POGZ: variants seen among roughly 807,000 people sequenced by gnomAD.
POGZ encodes the protein pogo transposable element derived with ZNF domain.
Under a neutral mutation model 134.6 loss-of-function variants are expected in POGZ, and 17 were observed. That is an observed-to-expected ratio of 0.13 (90% confidence interval 0.09 to 0.19). POGZ has a LOEUF of 0.19. Among genes scored for constraint, POGZ ranks in the 10% least tolerant of loss-of-function variants. The probability of loss-of-function intolerance (pLI) is 1.00; values close to 1 mark genes in which losing one functional copy is unlikely to be tolerated. For missense variants in POGZ, 1,306 were observed against 1,769.7 expected, an observed-to-expected ratio of 0.74 and a Z score of 4.70; for synonymous variants, 693 against 657.1, an observed-to-expected ratio of 1.05 and a Z score of -0.84.
intron 3 of POGZ, among the ~76,000 whole-genome samples, chr1:151,437,801 G>A (rs866210826): frequency 3.9e-5 from 6 of 152,170 alleles, no homozygotes; most frequent in Admixed American, 1.3e-4. Context: ...GTAGTAAGCA[G>A]ATAATATATC....
At chr1:151,419,166 C>A (rs1656379122) in intron 10 of POGZ, among the ~76,000 whole-genome samples, 1 of 151,694 alleles carries the variant, frequency 6.6e-6, no homozygotes, top group South Asian at 2.1e-4. Context: ...CCAGCCTGAA[C>A]GACACGGCGA....
At chr1:151,414,165 G>C (rs192034299) in intron 10 of POGZ, among the ~76,000 whole-genome samples, 1 of 152,352 alleles carries the variant, frequency 6.6e-6, no homozygotes, top group African/African-American at 2.4e-5. Flanking sequence ...GCCAGCCAGA[G>C]AGAGGACCAA....
chr1:151,430,580 T>C (rs931524050), intron 4 of POGZ, 86 bp downstream of exon 4: 7 of 1,010,594 alleles, frequency 6.9e-6, no homozygotes, highest in Non-Finnish European at 1.0e-5. Context: ...CCACTTCTAA[T>C]GACGCCAAAG....
rs764477625 is a variant in POGZ at position 151,429,715 on chromosome 1, T to C, written c.460-4A>G. On this transcript the variant is annotated splice_polypyrimidine_tract_variant and splice_region_variant and intron_variant, in intron 4 of 18. Coordinates refer to ENST00000271715, the MANE Select transcript of POGZ (RefSeq NM_015100.4). Reference sequence around the variant, plus strand: ...GGACATTCCTTACAGGAAATCCCTGTATTAAAAAGCAAAATGATCTTTAAC... The same window carrying C: ...GGACATTCCTTACAGGAAATCCCTGCATTAAAAAGCAAAATGATCTTTAAC... 15 of 1,573,192 alleles carry C rather than the reference T, an allele frequency of 9.5e-6. No individual in the cohort carries two copies. Among genetic ancestry groups the C allele is most frequent in the Non-Finnish European group, 1.2e-5 (14 of 1,143,590 alleles).
intron 1 of POGZ, among the ~76,000 whole-genome samples, chr1:151,445,097 T>C (rs1254210426): frequency 6.6e-6 from 1 of 152,104 alleles, no homozygotes; most frequent in Non-Finnish European, 1.5e-5. Context: ...AAAGGGTAGA[T>C]CTGAAAAGAT....
At chr1:151,408,005 C>T (rs1653964757) in intron 15 of POGZ, 95 bp downstream of exon 15, 2 of 968,670 alleles carry the variant, frequency 2.1e-6, no homozygotes, top group Non-Finnish European at 1.4e-6. Context: ...GAGTGAGACC[C>T]TGTCTTCAAA....
intron 3 of POGZ, among the ~76,000 whole-genome samples, chr1:151,437,243 C>A (rs1659746056): frequency 6.6e-6 from 1 of 151,394 alleles, no homozygotes; most frequent in Non-Finnish European, 1.5e-5. Context: ...AAACACCTTC[C>A]AGTTTGTGGT....
intron 3 of POGZ, 42 bp from the exon 4 acceptor site, chr1:151,430,883 CA>C: frequency 7.5e-7 from 1 of 1,329,366 alleles, no homozygotes; most frequent in Non-Finnish European, 1.0e-6. Context: ...ATGTTAGAAA[CA>C]ATGTTAAACC....
chr1:151,445,652 T>A (rs1178522379), intron 1 of POGZ, among the ~76,000 whole-genome samples: 2 of 152,026 alleles, frequency 1.3e-5, no homozygotes, highest in African/African-American at 4.8e-5. Context: ...ATAAGGTTTG[T>A]CAACTCAGAA....
Position 151,406,289 on chromosome 1 carries a change from T to C in POGZ, c.2746A>G (p.Thr916Ala). The C allele has an allele frequency of 6.2e-7, 1 of 1,611,514 alleles. No homozygotes were observed. Among genetic ancestry groups the C allele is most frequent in the Non-Finnish European group, 8.5e-7 (1 of 1,178,498 alleles). ...GGGTGAGTGGGGGTTGGTGGTGGGG[T>C]TGCAGTTGAGGCTGGTGATGGGAGT... ...PALPSPASTA[T>A]PPPTPTHPQA... The change falls in exon 19 of 19, where the codon ACC becomes GCC. Residue 916 changes from threonine to alanine, a missense_variant. Thr to Ala is a moderately conservative substitution (Grantham distance 58, BLOSUM62 0). Transcript: ENST00000271715.
rs527312128 is a variant in POGZ, at chr1:151,418,618, G to A, written c.1678+4779C>T. On this transcript the variant is annotated intron_variant, in intron 10 of 18. Coordinates refer to ENST00000271715, the MANE Select transcript of POGZ (RefSeq NM_015100.4). ...TTCTAGCATAAACACATAGAGTGAT[G>A]AATATTCCAAGTACACTGATTTAAT... Among the ~76,000 whole-genome samples the A allele has an allele frequency of 1.7e-4, 26 of 152,314 alleles. No homozygotes were observed. The South Asian group carries it at 5.4e-3, about 32-fold the overall frequency.
At chr1:151,438,137 G>C (rs2102348479) in intron 3 of POGZ, among the ~76,000 whole-genome samples, 1 of 152,066 alleles carries the variant, frequency 6.6e-6, no homozygotes, top group South Asian at 2.1e-4. Flanking sequence ...CTTGAACCCG[G>C]GAAGTGGAGG....
chr1:151,437,882 T>C (rs1174276656), intron 3 of POGZ, among the ~76,000 whole-genome samples: 3 of 152,206 alleles, frequency 2.0e-5, no homozygotes, highest in Admixed American at 2.0e-4. Context: ...CACTTTATTC[T>C]GAAGCCATAT....
At chr1:151,435,801 T>C (rs1413156911) in intron 3 of POGZ, among the ~76,000 whole-genome samples, 1 of 151,946 alleles carries the variant, frequency 6.6e-6, no homozygotes, top group African/African-American at 2.4e-5. Context: ...GCCTTGATAC[T>C]TTCTTAAAAA....
chr1:151,450,497 C>T (rs144080942), intron 1 of POGZ, among the ~76,000 whole-genome samples: 84 of 152,166 alleles, frequency 5.5e-4, no homozygotes, highest in Middle Eastern at 6.8e-3. Flanking sequence ...GGACTACAGG[C>T]ATGTGCTACC....
intron 10 of POGZ, among the ~76,000 whole-genome samples, chr1:151,419,489 A>T (rs1656463186): frequency 2.0e-5 from 3 of 151,562 alleles, no homozygotes; most frequent in Non-Finnish European, 4.4e-5. Flanking sequence ...CTCTACAAAA[A>T]ACACCCCCCA....
rs150277366 is a variant in POGZ, at chr1:151,403,254, C to T, written c.*1548G>A. ...GTGGGGTGGGAGAAATGGGTGGTAA[C>T]AAATGTCACACCTGTACCACCAGGC... is the stretch of plus-strand genomic sequence containing the variant. On this transcript the variant is annotated 3_prime_UTR_variant, in exon 19 of 19. Transcript: ENST00000271715. 1.0e-6 allele frequency: 1 copy of T among 985,524 alleles called. No individual in the cohort carries two copies. The highest frequency in any genetic ancestry group is 1.2e-6 in the Non-Finnish European group (1 of 829,866). The allele number at this position is 985,524 out of a possible 1,614,324, so 61.0% of individuals were successfully genotyped here.
Position 151,403,762 on chromosome 1 carries a change from CA to C in POGZ, c.*1039del. On this transcript the variant is annotated 3_prime_UTR_variant, in exon 19 of 19. Transcript: ENST00000271715. Reference sequence around the variant, plus strand: ...GTGGTCTTGTCTTTTTAAAGTTCAACACTTCTTGAACAATTAGCTCCTGGCT... The same window carrying C: ...GTGGTCTTGTCTTTTTAAAGTTCAACCTTCTTGAACAATTAGCTCCTGGCT... 1 of 985,562 alleles carries C rather than the reference CA, an allele frequency of 1.0e-6. No homozygotes were observed. The highest frequency in any genetic ancestry group is 1.2e-6 in the Non-Finnish European group (1 of 829,814). 61.1% of individuals were successfully genotyped at this position (985,562 alleles called of 1,614,324 possible).
chr1:151,411,708 C>A lies in POGZ; in HGVS notation c.1843G>T (p.Asp615Tyr). 1 of 1,613,460 alleles carries A rather than the reference C, an allele frequency of 6.2e-7. No individual in the cohort carries two copies. Among genetic ancestry groups the A allele is most frequent in the Non-Finnish European group, 8.5e-7 (1 of 1,179,592 alleles). Residue 615 changes from aspartate (D) to tyrosine (Y), a missense_variant, in exon 12 of 19, where the codon GAT becomes TAT. Physicochemically the swap from Asp to Tyr is radical, Grantham distance 160. Coordinates refer to ENST00000271715, the MANE Select transcript of POGZ (RefSeq NM_015100.4). ...VDVHFRMIHE[D>Y]TRHLLCPYCL... ...TAAGGGCAGAGCAGATGCCGGGTAT[C>A]CTCATGGATCATCCGAAAATGGACA...
Sources: allele counts gnomAD v4.1 joint callset (sites outside exome capture counted in the v4.1 genomes callset), GRCh38; gene constraint gnomAD v4.1.1; transcripts MANE v1.5; gene names NCBI Gene and HGNC (gene_info 2026-07-23, HGNC 2026-07-21).